The following MOK variants were observed in gnomAD, a reference collection of about 807,000 sequenced individuals.
The protein encoded by MOK is MAPK/MAK/MRK overlapping kinase.
MOK carries 59 observed loss-of-function variants against 54.2 expected under a neutral mutation model. The ratio of observed to expected loss-of-function variants is 1.09; its 90% CI spans 0.88 to 1.35. The LOEUF (loss-of-function observed/expected upper bound fraction) is 1.35, where lower values mean the gene tolerates loss of function less well. Ranked by LOEUF, MOK falls within the 40% of genes most tolerant of loss-of-function variation. The pLI is 0.00. For missense variants in MOK, 517 were observed against 526.2 expected (o/e 0.98, Z 0.17); for synonymous variants, 210 against 202.7 (o/e 1.04, Z -0.31).
At chr14:102,219,301 C>T in the MOK span, among the ~76,000 whole-genome samples, 1 of 152,262 alleles carries the variant, frequency 6.6e-6, no homozygotes, top group Admixed American at 6.5e-5. Context: ...GAGTCCATCT[C>T]CAGCAAGTGA....
chr14:102,234,596 C>A (rs552369532), intron 7 of MOK, among the ~76,000 whole-genome samples: 1 of 152,098 alleles, frequency 6.6e-6, no homozygotes, highest in Non-Finnish European at 1.5e-5. Context: ...TCCTCTACCC[C>A]CCTCCCTTCC....
chr14:102,215,869 C>G, the MOK span, among the ~76,000 whole-genome samples: 6 of 152,316 alleles, frequency 3.9e-5, no homozygotes, highest in Non-Finnish European at 7.4e-5. Flanking sequence ...TCACTCTTGA[C>G]AGACGACGTA....
In MOK at chr14:102,230,560, A is replaced by G. The variant is rs1444563020; in HGVS notation, c.982-903T>C. On this transcript the variant is annotated intron_variant, in intron 10 of 11. Coordinates refer to ENST00000361847, the MANE Select transcript of MOK (RefSeq NM_014226.3). The surrounding 1 kb of genome is among the most constrained non-coding windows in gnomAD (Gnocchi z 4.1). The stretch of plus-strand genomic sequence containing the variant: ...ATTTCCTATCAGACCCTTAGAGAAA[A>G]ATATGCCGACCTCGGATGTGACTGA... 6.6e-6 allele frequency: 1 copy of G among 152,336 alleles called. No individual in the cohort carries two copies. The highest frequency in any genetic ancestry group is 1.5e-5 in the Non-Finnish European group (1 of 68,132). The allele number at this position is 152,336 out of a possible 1,614,324, so 9.4% of individuals were successfully genotyped here. A position where few individuals can be genotyped will look rare whatever the true frequency, so the allele number is the denominator to read the frequency against.
chr14:102,252,034 G>T, intron 4 of MOK, 39 bp from the exon 5 acceptor site: 1 of 1,085,356 alleles, frequency 9.2e-7, no homozygotes, highest in Non-Finnish European at 1.4e-6. Context: ...GGTTACTGAT[G>T]GTACATATCC....
At chr14:102,300,022 A>G (rs569946984) in intron 1 of MOK, among the ~76,000 whole-genome samples, 33 of 152,150 alleles carry the variant, frequency 2.2e-4, no homozygotes, top group Non-Finnish European at 3.5e-4. Flanking sequence ...CTAGTAAACA[A>G]TTAAAAACTT....
chr14:102,217,392 CG>C, the MOK span, among the ~76,000 whole-genome samples: 2 of 152,304 alleles, frequency 1.3e-5, no homozygotes, highest in South Asian at 4.1e-4. Flanking sequence ...GGTCTTTCCC[CG>C]GAAGTCTGAA....
intron 4 of MOK, among the ~76,000 whole-genome samples, chr14:102,256,518 G>A (rs902093392): frequency 2.0e-5 from 3 of 151,778 alleles, no homozygotes; most frequent in Non-Finnish European, 4.4e-5. Context: ...AGCTTGCAGT[G>A]AGCTGAGATC....
chr14:102,228,617 T>C (rs560940078), downstream of MOK, among the ~76,000 whole-genome samples: 1 of 149,004 alleles, frequency 6.7e-6, no homozygotes, highest in South Asian at 2.1e-4. Flanking sequence ...GAGAATCCCT[T>C]GAACCCGGGA....
At chr14:102,244,255 G>A (rs966175949) in intron 7 of MOK, among the ~76,000 whole-genome samples, 1 of 152,164 alleles carries the variant, frequency 6.6e-6, no homozygotes, top group Non-Finnish European at 1.5e-5. Flanking sequence ...TATCCCTCAT[G>A]GCAGTTTTTC....
At chr14:102,219,107 G>A in the MOK span, among the ~76,000 whole-genome samples, 2 of 152,226 alleles carry the variant, frequency 1.3e-5, no homozygotes, top group Admixed American at 1.3e-4. Context: ...TGCTCTCGAG[G>A]GAAGCTGCAG....
downstream of MOK, chr14:102,222,959 C>T: frequency 1.9e-6 from 3 of 1,580,716 alleles, no homozygotes; most frequent in Non-Finnish European, 2.6e-6. The surrounding 1 kb of genome is among the most constrained non-coding windows in gnomAD (Gnocchi z 4.4). Flanking sequence ...CGAGCTGCGC[C>T]TGAGCCGTGC....
chr14:102,261,637 G>A (rs1347411824), intron 4 of MOK, among the ~76,000 whole-genome samples: 7 of 146,986 alleles, frequency 4.8e-5, no homozygotes, highest in East Asian at 2.1e-4. Flanking sequence ...AGGTTCAAGC[G>A]ATTCTCCTGC....
At chr14:102,254,444 C>T (rs1347734256) in intron 4 of MOK, among the ~76,000 whole-genome samples, 1 of 152,194 alleles carries the variant, frequency 6.6e-6, no homozygotes, top group African/African-American at 2.4e-5. Flanking sequence ...ATATCTATAA[C>T]AGATAAAAAG....
At chr14:102,256,498 C>T (rs1002795783) in intron 4 of MOK, among the ~76,000 whole-genome samples, 11 of 151,604 alleles carry the variant, frequency 7.3e-5, no homozygotes, top group South Asian at 2.1e-4. Flanking sequence ...GGCGTGAACC[C>T]GGGAGGCGGA....
chr14:102,252,042 T>A, intron 4 of MOK, 47 bp from the exon 5 acceptor site: 3 of 1,031,510 alleles, frequency 2.9e-6, no homozygotes, highest in Non-Finnish European at 4.4e-6. Context: ...ATGGTACATA[T>A]CCTCTTTTTT....
chr14:102,261,407 AAAAAAAAAAAAATATATATATATATATAT>A (rs1217010833), intron 4 of MOK, among the ~76,000 whole-genome samples: 7 of 78,828 alleles, frequency 8.9e-5, no homozygotes, highest in African/African-American at 1.1e-4. Context: ...AAAAAAAAAA[AAAAAAAAAAAAATATATATATATATATAT>A]ATATATATAT....
At chr14:102,291,595 CAAG>C (rs1160274007) in intron 1 of MOK, among the ~76,000 whole-genome samples, 1 of 152,202 alleles carries the variant, frequency 6.6e-6, no homozygotes, top group African/African-American at 2.4e-5. Flanking sequence ...AATTTCTCTA[CAAG>C]AAGATCAGTG....
chr14:102,242,184 A>C (rs779008774), intron 7 of MOK, among the ~76,000 whole-genome samples: 9 of 152,212 alleles, frequency 5.9e-5, no homozygotes, highest in Non-Finnish European at 8.8e-5. Context: ...GGGTAAGTCC[A>C]TCCCCTTCTT....
At chr14:102,299,299 A>C (rs2071871680) in intron 1 of MOK, among the ~76,000 whole-genome samples, 1 of 152,186 alleles carries the variant, frequency 6.6e-6, no homozygotes, top group Non-Finnish European at 1.5e-5. Flanking sequence ...AGATCACCTG[A>C]GGTCAGGAGT....
Sources: allele counts gnomAD v4.1 joint callset (sites outside exome capture counted in the v4.1 genomes callset), GRCh38; gene constraint gnomAD v4.1.1; non-coding constraint Gnocchi (gnomAD v3.1); transcripts MANE v1.5; gene names NCBI Gene and HGNC (gene_info 2026-07-23, HGNC 2026-07-21).